Variants in ADAM22 observed in about 807,000 individuals in gnomAD.
ADAM22 encodes disintegrin and metalloproteinase domain-containing protein 22.
A neutral mutation model predicts 144.6 loss-of-function variants in ADAM22; 65 were observed. That is an observed-to-expected ratio of 0.45 (90% CI 0.37 to 0.55). The LOEUF is 0.55. Ranked by LOEUF, ADAM22 falls within the 20% of genes least tolerant of loss-of-function variation. The probability of loss-of-function intolerance (pLI) is 0.00; values close to 1 mark genes in which losing one functional copy is unlikely to be tolerated. For missense variants in ADAM22, 974 were observed against 1,184.9 expected, an observed-to-expected ratio of 0.82 and a Z score of 2.61; for synonymous variants, 391 against 412.6, an observed-to-expected ratio of 0.95 and a Z score of 0.63.
chr7:88,180,833 A>G (rs1378239362), intron 27 of ADAM22, among the ~76,000 whole-genome samples: 1 of 152,064 alleles, frequency 6.6e-6, no homozygotes, highest in Non-Finnish European at 1.5e-5. Flanking sequence ...TAGATCATTC[A>G]TTTAAAGATG....
intron 3 of ADAM22, among the ~76,000 whole-genome samples, chr7:88,034,962 AG>A (rs1444329669): frequency 6.6e-6 from 1 of 152,164 alleles, no homozygotes. Context: ...TTCAGTGATT[AG>A]AAGTTTAAAC....
intron 4 of ADAM22, among the ~76,000 whole-genome samples, chr7:88,094,913 A>G (rs922841497): frequency 2.0e-5 from 3 of 152,232 alleles, no homozygotes; most frequent in Non-Finnish European, 4.4e-5. Flanking sequence ...AGAAGGACCT[A>G]AACTCAAATC....
At chr7:88,138,296 A>G (rs957848356) in intron 14 of ADAM22, among the ~76,000 whole-genome samples, 1 of 152,238 alleles carries the variant, frequency 6.6e-6, no homozygotes, top group Non-Finnish European at 1.5e-5. Flanking sequence ...TAAATCCTAC[A>G]TAGTATATTT....
At chr7:88,133,067 C>T in intron 12 of ADAM22, 116 bp downstream of exon 12, 1 of 905,750 alleles carries the variant, frequency 1.1e-6, no homozygotes, top group Non-Finnish European at 1.7e-6. Flanking sequence ...TGCTATATTA[C>T]AAATCAGTAT....
At chr7:88,108,359 A>G in intron 5 of ADAM22, 101 bp downstream of exon 5, 3 of 892,178 alleles carry the variant, frequency 3.4e-6, no homozygotes, top group Non-Finnish European at 5.0e-6. Flanking sequence ...GTGTCAAGAA[A>G]TGACTTTAAA....
At chr7:88,052,989 A>G (rs1209112301) in intron 3 of ADAM22, among the ~76,000 whole-genome samples, 2 of 152,206 alleles carry the variant, frequency 1.3e-5, no homozygotes, top group African/African-American at 4.8e-5. Context: ...TTTTGAAAAT[A>G]TTATATGGGT....
intron 2 of ADAM22, among the ~76,000 whole-genome samples, chr7:87,970,263 AT>A (rs1850118850): frequency 6.6e-6 from 1 of 152,138 alleles, no homozygotes; most frequent in African/African-American, 2.4e-5. Context: ...ATATGTATTT[AT>A]TAAACTGAAG....
intron 3 of ADAM22, among the ~76,000 whole-genome samples, chr7:88,071,023 A>G (rs1312024926): frequency 6.6e-6 from 1 of 152,174 alleles, no homozygotes; most frequent in Non-Finnish European, 1.5e-5. Flanking sequence ...ACACCAGCCT[A>G]TGACCATTCA....
chr7:88,053,494 TAAAGA>T (rs1338346792), intron 3 of ADAM22, among the ~76,000 whole-genome samples: 2 of 148,322 alleles, frequency 1.3e-5, no homozygotes, highest in Admixed American at 6.8e-5. Flanking sequence ...TAAAAAGACT[TAAAGA>T]GAAGAGGAAA....
At chr7:88,039,985 C>T (rs772675184) in intron 3 of ADAM22, among the ~76,000 whole-genome samples, 1 of 151,982 alleles carries the variant, frequency 6.6e-6, no homozygotes, top group East Asian at 1.9e-4. Context: ...CACTCTCCCA[C>T]TCATCACAGT....
chr7:88,134,538 G>A, intron 13 of ADAM22, 119 bp downstream of exon 13: 2 of 664,270 alleles, frequency 3.0e-6, no homozygotes, highest in Non-Finnish European at 5.0e-6. Context: ...GATAGTAAAA[G>A]ATAAACATCC....
At chr7:87,936,256 CT>C (rs1841226984) in intron 2 of ADAM22, among the ~76,000 whole-genome samples, 1 of 151,466 alleles carries the variant, frequency 6.6e-6, no homozygotes, top group Non-Finnish European at 1.5e-5. Context: ...GCTTAAAGGG[CT>C]ACATAATATC....
At chr7:87,976,870 C>G (rs1852007604) in intron 2 of ADAM22, among the ~76,000 whole-genome samples, 5 of 130,432 alleles carry the variant, frequency 3.8e-5, no homozygotes, top group African/African-American at 1.7e-4. Flanking sequence ...TTTTTTATTT[C>G]TTTTTTTTTT....
intron 4 of ADAM22, among the ~76,000 whole-genome samples, chr7:88,081,183 A>T (rs1391462759): frequency 1.3e-5 from 2 of 152,230 alleles, no homozygotes; most frequent in Non-Finnish European, 2.9e-5. Flanking sequence ...AGGCTGGTTC[A>T]ACATACAAAA....
intron 3 of ADAM22, among the ~76,000 whole-genome samples, chr7:87,978,694 A>G (rs1376509732): frequency 6.6e-6 from 1 of 152,216 alleles, no homozygotes; most frequent in Non-Finnish European, 1.5e-5. Flanking sequence ...TAAGTTTCCT[A>G]TGAATGACAG....
At chr7:87,991,997 C>T (rs1301578252) in intron 3 of ADAM22, among the ~76,000 whole-genome samples, 1 of 152,178 alleles carries the variant, frequency 6.6e-6, no homozygotes, top group Non-Finnish European at 1.5e-5. Flanking sequence ...GAACCTTAAT[C>T]AGATTCAGCT....
chr7:88,134,066 C>A (rs570104433), intron 12 of ADAM22, among the ~76,000 whole-genome samples: 3 of 152,280 alleles, frequency 2.0e-5, no homozygotes, highest in Admixed American at 6.5e-5. Flanking sequence ...AATTTGGACT[C>A]AGATATACAT....
chr7:87,986,720 A>G (rs1382340984), intron 3 of ADAM22, among the ~76,000 whole-genome samples: 1 of 152,198 alleles, frequency 6.6e-6, no homozygotes, highest in Non-Finnish European at 1.5e-5. Context: ...TAAAAAGTAC[A>G]GACTTAGCAC....
chr7:88,190,114 A>G (rs1849285026), intron 30 of ADAM22, among the ~76,000 whole-genome samples: 1 of 152,238 alleles, frequency 6.6e-6, no homozygotes, highest in Admixed American at 6.5e-5. Context: ...TTACAGGCAT[A>G]TATACAGAAG....
Sources: gnomAD v4.1 joint callset for allele counts (sites outside exome capture counted in the v4.1 genomes callset) on GRCh38, gnomAD v4.1.1 for gene constraint, MANE v1.5 for transcripts, NCBI Gene and HGNC (gene_info 2026-07-23, HGNC 2026-07-21) for gene names.